The following OSBP2 variants were observed in gnomAD, a reference collection of about 807,000 sequenced individuals.
The protein encoded by OSBP2 is oxysterol-binding protein 2.
Under a neutral mutation model 96.0 loss-of-function variants are expected in OSBP2, and 66 were observed. The observed-to-expected ratio is 0.69, with a 90% CI of 0.56 to 0.84. The LOEUF is 0.84. OSBP2 is among the 40% of genes least tolerant of loss of function. The pLI, the probability that OSBP2 is intolerant of heterozygous loss-of-function variation, is 0.00. For missense variants in OSBP2, 1,038 were observed against 1,222.7 expected (o/e 0.85, Z 2.25); for synonymous variants, 525 against 520.9 (o/e 1.01, Z -0.11).
intron 1 of OSBP2, among the ~76,000 whole-genome samples, chr22:30,735,410 C>CTCT (rs1555909093): frequency 4.7e-4 from 47 of 100,622 alleles, no homozygotes; most frequent in African/African-American, 1.7e-3. Context: ...TCTTCTCTCT[C>CTCT]TTTTTTTTTT....
intron 2 of OSBP2, among the ~76,000 whole-genome samples, chr22:30,805,357 A>T (rs1223898852): frequency 2.6e-5 from 4 of 152,238 alleles, no homozygotes; most frequent in Non-Finnish European, 5.9e-5. Context: ...TGTTCCTGGT[A>T]GAATAGTTAA....
chr22:30,711,729 G>A lies in OSBP2; in HGVS notation c.644+16176G>A, dbSNP rs552120391. Reference sequence around the variant, plus strand: ...CACTCCAGCCTGGGTGACACAATGAGACCCTATCTCAAAAAAAAAAAAAAA... The same window carrying A: ...CACTCCAGCCTGGGTGACACAATGAAACCCTATCTCAAAAAAAAAAAAAAA... On this transcript the variant is annotated intron_variant, in intron 1 of 13. Transcript: ENST00000332585. Among the ~76,000 whole-genome samples the A allele has an allele frequency of 1.2e-4, 15 of 127,780 alleles. 1 individual carries two copies. The East Asian group carries it at 3.3e-3, about 28-fold the overall frequency. The allele number at this position is 127,780 out of a possible 152,430, so 83.8% of individuals were successfully genotyped here.
intron 2 of OSBP2, among the ~76,000 whole-genome samples, chr22:30,829,153 C>T (rs1162385482): frequency 6.6e-6 from 1 of 152,194 alleles, no homozygotes; most frequent in Admixed American, 6.5e-5. Context: ...GCCTGGAGAA[C>T]ATAGCGTGCT....
chr22:30,875,946 C>T (rs2039569766), intron 3 of OSBP2, among the ~76,000 whole-genome samples: 1 of 152,264 alleles, frequency 6.6e-6, no homozygotes, highest in South Asian at 2.1e-4. Flanking sequence ...CAGGCATGTG[C>T]TCATCAGTGT....
chr22:30,814,466 T>G (rs959569895), intron 2 of OSBP2, among the ~76,000 whole-genome samples: 2 of 148,606 alleles, frequency 1.3e-5, no homozygotes, highest in Non-Finnish European at 3.0e-5. Flanking sequence ...GGAGTCTCAC[T>G]CTGTCACCCA....
intron 2 of OSBP2, among the ~76,000 whole-genome samples, chr22:30,869,739 G>A (rs1290104059): frequency 1.3e-5 from 2 of 152,154 alleles, no homozygotes; most frequent in South Asian, 2.1e-4. Flanking sequence ...CTTTTGTCAT[G>A]TTGCCCAGGC....
At chr22:30,717,090 T>TTTTTTTGTGTG (rs71328866) in intron 1 of OSBP2, among the ~76,000 whole-genome samples, 1 of 118,320 alleles carries the variant, frequency 8.5e-6, no homozygotes, top group African/African-American at 3.2e-5. Context: ...TTTACTGTTT[T>TTTTTTTGTGTG]TGTGTGTGTG....
At chr22:30,879,618 G>A (rs1213324491) in intron 3 of OSBP2, among the ~76,000 whole-genome samples, 1 of 152,214 alleles carries the variant, frequency 6.6e-6, no homozygotes, top group Non-Finnish European at 1.5e-5. Context: ...GGGCCAAAGG[G>A]ATCCCCGGGG....
intron 1 of OSBP2, among the ~76,000 whole-genome samples, chr22:30,726,512 G>A (rs2089653260): frequency 6.6e-6 from 1 of 152,074 alleles, no homozygotes; most frequent in East Asian, 1.9e-4. Context: ...AGAGCATTAG[G>A]ACAAATACCT....
intron 2 of OSBP2, among the ~76,000 whole-genome samples, chr22:30,860,446 C>T (rs1045472727): frequency 9.8e-5 from 15 of 152,344 alleles, no homozygotes; most frequent in African/African-American, 3.4e-4. Flanking sequence ...CAGCTGAGCC[C>T]CTTCCATGCT....
At chr22:30,763,027 A>G (rs2090225879) in intron 2 of OSBP2, among the ~76,000 whole-genome samples, 1 of 152,094 alleles carries the variant, frequency 6.6e-6, no homozygotes, top group Admixed American at 6.5e-5. Flanking sequence ...ACACTTACCC[A>G]CTGTGTGACC....
chr22:30,836,135 T>A (rs1310616676), intron 2 of OSBP2, among the ~76,000 whole-genome samples: 5 of 152,362 alleles, frequency 3.3e-5, no homozygotes, highest in African/African-American at 1.2e-4. Context: ...GTTCTACATA[T>A]GCTTGGGTCT....
chr22:30,852,895 G>A (rs976561757), intron 2 of OSBP2, among the ~76,000 whole-genome samples: 4 of 152,100 alleles, frequency 2.6e-5, no homozygotes, highest in African/African-American at 9.7e-5. Context: ...CTATTGAAAA[G>A]TGTCTGGCTT....
chr22:30,724,165 T>C (rs1227565400), intron 1 of OSBP2, among the ~76,000 whole-genome samples: 1 of 152,194 alleles, frequency 6.6e-6, no homozygotes, highest in East Asian at 1.9e-4. Flanking sequence ...CCTTTTTGGA[T>C]TGGCTTTTTT....
intron 1 of OSBP2, among the ~76,000 whole-genome samples, chr22:30,740,935 C>T (rs2089929552): frequency 6.6e-6 from 1 of 152,188 alleles, no homozygotes; most frequent in African/African-American, 2.4e-5. Context: ...CCAATGCAGG[C>T]TCCCGTCCCT....
intron 1 of OSBP2, among the ~76,000 whole-genome samples, chr22:30,706,634 C>T (rs932382280): frequency 3.3e-5 from 5 of 152,160 alleles, no homozygotes; most frequent in African/African-American, 9.7e-5. Context: ...CCCTGACCCT[C>T]GGCGTGATAG....
intron 2 of OSBP2, among the ~76,000 whole-genome samples, chr22:30,853,964 T>C (rs868154892): frequency 6.6e-6 from 1 of 152,216 alleles, no homozygotes; most frequent in Middle Eastern, 3.4e-3. Context: ...TTTCACCGTG[T>C]TAGCCAGGAT....
At chr22:30,762,737 C>T (rs1349754289) in intron 2 of OSBP2, among the ~76,000 whole-genome samples, 1 of 152,186 alleles carries the variant, frequency 6.6e-6, no homozygotes, top group Non-Finnish European at 1.5e-5. Context: ...AGTCTGTTTA[C>T]CCTCCAGGGA....
At chr22:30,902,771 A>G in intron 12 of OSBP2, 2 of 433,238 alleles carry the variant, frequency 4.6e-6, no homozygotes, top group Non-Finnish European at 4.6e-6. Context: ...GTTCACAAGG[A>G]GCAAGAATGA....
Sources: allele counts gnomAD v4.1 joint callset (sites outside exome capture counted in the v4.1 genomes callset), GRCh38; gene constraint gnomAD v4.1.1; transcripts MANE v1.5; gene names NCBI Gene and HGNC (gene_info 2026-07-23, HGNC 2026-07-21).